LOC128462377: variants seen among roughly 807,000 people sequenced by gnomAD.
At chr16:89,384,564 AC>A in the LOC128462377 span, among the ~76,000 whole-genome samples, 2 of 151,436 alleles carry the variant, frequency 1.3e-5, no homozygotes, top group Non-Finnish European at 2.9e-5. Flanking sequence ...TGGGAATGGG[AC>A]AGGATGGGAC....
the LOC128462377 span, among the ~76,000 whole-genome samples, chr16:89,374,665 A>T: frequency 6.6e-6 from 1 of 152,198 alleles, no homozygotes; most frequent in African/African-American, 2.4e-5. Context: ...AGAGGAGAAA[A>T]GCTCCTCCAG....
the LOC128462377 span, chr16:89,323,402 C>T: frequency 1.4e-4 from 174 of 1,227,096 alleles, no homozygotes; most frequent in Non-Finnish European, 3.6e-5. Context: ...GAGCAAGCAG[C>T]CCAGGGCAGG....
the LOC128462377 span, among the ~76,000 whole-genome samples, chr16:89,402,953 A>T: frequency 6.6e-6 from 1 of 152,134 alleles, no homozygotes; most frequent in African/African-American, 2.4e-5. Context: ...CTGCCAGTGG[A>T]GACCTCTTTT....
the LOC128462377 span, among the ~76,000 whole-genome samples, chr16:89,338,945 A>C: frequency 6.6e-6 from 1 of 152,294 alleles, no homozygotes; most frequent in Middle Eastern, 3.4e-3. Flanking sequence ...TAAACCCATA[A>C]TGAAAGCACA....
chr16:89,320,948 G>A, the LOC128462377 span, among the ~76,000 whole-genome samples: 1 of 152,230 alleles, frequency 6.6e-6, no homozygotes, highest in Non-Finnish European at 1.5e-5. Flanking sequence ...GAACAACGAT[G>A]GCCTGCTCCT....
the LOC128462377 span, among the ~76,000 whole-genome samples, chr16:89,331,878 C>T: frequency 2.0e-5 from 3 of 151,678 alleles, no homozygotes; most frequent in Non-Finnish European, 1.5e-5. Context: ...GGTTTGGTTC[C>T]GGGTTAACGG....
At chr16:89,341,140 T>G in the LOC128462377 span, among the ~76,000 whole-genome samples, 1 of 152,294 alleles carries the variant, frequency 6.6e-6, no homozygotes, top group South Asian at 2.1e-4. Flanking sequence ...AATCAAGGTT[T>G]CCACTGCGAA....
At chr16:89,358,078 G>T in the LOC128462377 span, among the ~76,000 whole-genome samples, 1 of 152,230 alleles carries the variant, frequency 6.6e-6, no homozygotes. Flanking sequence ...TGAGGCACCA[G>T]ATGCAACTTT....
chr16:89,343,880 C>G, the LOC128462377 span: 3 of 152,276 alleles, frequency 2.0e-5, no homozygotes, highest in Non-Finnish European at 4.4e-5. Flanking sequence ...CATGGACCAA[C>G]AGAGTAGGGA....
the LOC128462377 span, among the ~76,000 whole-genome samples, chr16:89,398,075 G>T: frequency 2.0e-5 from 3 of 151,462 alleles, no homozygotes; most frequent in Admixed American, 1.3e-4. Context: ...GTGACGCTGT[G>T]AAACAGCTGA....
chr16:89,375,036 A>G, the LOC128462377 span, among the ~76,000 whole-genome samples: 1 of 152,096 alleles, frequency 6.6e-6, no homozygotes, highest in Non-Finnish European at 1.5e-5. Flanking sequence ...AAACGCTTAT[A>G]AATACTTACA....
chr16:89,362,432 A>G, the LOC128462377 span, among the ~76,000 whole-genome samples: 3 of 152,220 alleles, frequency 2.0e-5, no homozygotes, highest in Non-Finnish European at 4.4e-5. Context: ...TAAATTGCAC[A>G]GCTACAGAAT....
At chr16:89,330,441 C>T in the LOC128462377 span, among the ~76,000 whole-genome samples, 1 of 152,044 alleles carries the variant, frequency 6.6e-6, no homozygotes, top group Admixed American at 6.6e-5. Context: ...TGGCAGAAGG[C>T]CCAAATTCCT....
chr16:89,360,151 T>C, the LOC128462377 span, among the ~76,000 whole-genome samples: 49 of 152,310 alleles, frequency 3.2e-4, no homozygotes, highest in Non-Finnish European at 6.0e-4. Context: ...AGTCAGAACA[T>C]GTAGTATTTG....
chr16:89,382,984 G>A, the LOC128462377 span, among the ~76,000 whole-genome samples: 1 of 152,228 alleles, frequency 6.6e-6, no homozygotes, highest in Non-Finnish European at 1.5e-5. Context: ...GGGATTACAG[G>A]CGTGAGCCAC....
the LOC128462377 span, among the ~76,000 whole-genome samples, chr16:89,334,913 G>A: frequency 6.6e-6 from 1 of 152,232 alleles, no homozygotes; most frequent in East Asian, 1.9e-4. Context: ...CTGCATGCAT[G>A]AGGGCCCCAT....
chr16:89,384,570 TGGGACGGGAC>T, the LOC128462377 span, among the ~76,000 whole-genome samples: 1 of 150,412 alleles, frequency 6.6e-6, no homozygotes, highest in East Asian at 2.0e-4. Flanking sequence ...TGGGACAGGA[TGGGACGGGAC>T]GGGATGGGGC....
the LOC128462377 span, among the ~76,000 whole-genome samples, chr16:89,338,092 C>A: frequency 4.6e-5 from 7 of 152,186 alleles, no homozygotes; most frequent in African/African-American, 1.7e-4. Flanking sequence ...GCCCCAGGGG[C>A]CCCCACTATG....
chr16:89,363,668 C>T, the LOC128462377 span, among the ~76,000 whole-genome samples: 53 of 152,282 alleles, frequency 3.5e-4, no homozygotes, highest in African/African-American at 1.2e-3. Context: ...AAGCACCACA[C>T]GCTGCTTCCC....
Sources: gnomAD v4.1 joint callset for allele counts (sites outside exome capture counted in the v4.1 genomes callset) on GRCh38, gnomAD v4.1.1 for gene constraint, MANE v1.5 for transcripts.